ASAP1: variants seen among roughly 807,000 people sequenced by gnomAD.
The protein encoded by ASAP1 is ArfGAP with SH3 domain, ankyrin repeat and PH domain 1.
A neutral mutation model predicts 145.2 loss-of-function variants in ASAP1; 43 were observed. The observed-to-expected ratio is 0.30, with a 90% CI of 0.23 to 0.38. The LOEUF (loss-of-function observed/expected upper bound fraction) is 0.38, where lower values mean the gene tolerates loss of function less well. Ranked by LOEUF, ASAP1 falls within the 10% of genes least tolerant of loss-of-function variation. The pLI is 1.00. For missense variants in ASAP1, 1,018 were observed against 1,355.3 expected (o/e 0.75, Z 3.91); for synonymous variants, 546 against 515.5 (o/e 1.06, Z -0.80).
chr8:130,428,566 A>G (rs2138760502), intron 1 of ASAP1, among the ~76,000 whole-genome samples: 1 of 144,192 alleles, frequency 6.9e-6, no homozygotes, highest in African/African-American at 2.6e-5. Context: ...CACCATCATC[A>G]CCACCATCAT....
intron 27 of ASAP1, among the ~76,000 whole-genome samples, chr8:130,062,614 G>A (rs931142910): frequency 6.6e-6 from 1 of 152,150 alleles, no homozygotes; most frequent in Non-Finnish European, 1.5e-5. Context: ...ACACTGATGG[G>A]GCAAGAGAAA....
intron 3 of ASAP1, among the ~76,000 whole-genome samples, chr8:130,257,632 G>A (rs1340051301): frequency 6.6e-6 from 1 of 152,082 alleles, no homozygotes; most frequent in Admixed American, 6.5e-5. Flanking sequence ...GCGAAAAAAA[G>A]GGATCTACAG....
At chr8:130,097,107 C>T (rs2097519590) in intron 24 of ASAP1, among the ~76,000 whole-genome samples, 1 of 113,568 alleles carries the variant, frequency 8.8e-6, no homozygotes, top group Non-Finnish European at 1.6e-5. Flanking sequence ...GCCTAGGAGA[C>T]AGAGTGACAG....
rs371227571 is a variant in ASAP1 at position 130,064,018 on chromosome 8, C to T, written c.2702-2949G>A. Among the ~76,000 whole-genome samples, 58 of 152,198 alleles carry T rather than the reference C, an allele frequency of 3.8e-4. 1 individual carries two copies. The highest frequency in any genetic ancestry group is 1.3e-3 in the African/African-American group (56 of 41,530). On this transcript the variant is annotated intron_variant, in intron 27 of 29. Coordinates refer to ENST00000518721, the MANE Select transcript of ASAP1 (RefSeq NM_018482.4). ...AGGAGGGTGTGGTCAGGGAAGGCCACTCTGATATGGCAAGAGTGCGTCAAA... is the reference window on the plus strand; with the variant it reads ...AGGAGGGTGTGGTCAGGGAAGGCCATTCTGATATGGCAAGAGTGCGTCAAA...
At chr8:130,193,228 G>C (rs975583479) in intron 5 of ASAP1, among the ~76,000 whole-genome samples, 6 of 152,160 alleles carry the variant, frequency 3.9e-5, no homozygotes, top group Admixed American at 1.3e-4. Context: ...AATTAGCCAG[G>C]CATGGTGGCA....
chr8:130,384,823 T>C (rs1827938053), intron 2 of ASAP1, among the ~76,000 whole-genome samples: 1 of 152,188 alleles, frequency 6.6e-6, no homozygotes, highest in South Asian at 2.1e-4. Flanking sequence ...ATTTGTTCTT[T>C]CAACAAACAT....
At chr8:130,115,424 C>T (rs2097553714) in intron 23 of ASAP1, among the ~76,000 whole-genome samples, 1 of 152,214 alleles carries the variant, frequency 6.6e-6, no homozygotes, top group Non-Finnish European at 1.5e-5. Flanking sequence ...CTGTCTCTCT[C>T]CCTATCCTGT....
At chr8:130,427,119 C>G (rs1480463941) in intron 1 of ASAP1, among the ~76,000 whole-genome samples, 1 of 152,044 alleles carries the variant, frequency 6.6e-6, no homozygotes, top group African/African-American at 2.4e-5. Context: ...ACTTCAGGTG[C>G]CAGGTCATGG....
intron 27 of ASAP1, among the ~76,000 whole-genome samples, chr8:130,075,996 G>A (rs538795822): frequency 1.3e-5 from 2 of 152,240 alleles, no homozygotes; most frequent in South Asian, 2.1e-4. Flanking sequence ...AAGCTACTAC[G>A]TCACCTGCCC....
At chr8:130,160,435 T>TA (rs2097666745) in intron 11 of ASAP1, among the ~76,000 whole-genome samples, 1 of 152,220 alleles carries the variant, frequency 6.6e-6, no homozygotes, top group Non-Finnish European at 1.5e-5. Flanking sequence ...GGGAACCTTC[T>TA]AAGCAAGGTT....
chr8:130,213,374 G>T (rs1458641967), intron 5 of ASAP1, among the ~76,000 whole-genome samples: 1 of 152,200 alleles, frequency 6.6e-6, no homozygotes, highest in African/African-American at 2.4e-5. Flanking sequence ...CAGAGAAAAA[G>T]AATATTGTAA....
intron 24 of ASAP1, among the ~76,000 whole-genome samples, chr8:130,108,901 G>A (rs1265858462): frequency 2.0e-5 from 3 of 149,800 alleles, no homozygotes; most frequent in South Asian, 2.1e-4. Flanking sequence ...TCAGCCTCCC[G>A]AGTAGCTGGG....
chr8:130,323,332 G>T (rs1824129326), intron 3 of ASAP1, among the ~76,000 whole-genome samples: 1 of 152,204 alleles, frequency 6.6e-6, no homozygotes, highest in African/African-American at 2.4e-5. Context: ...AAACACTAGT[G>T]TAAAGAAACA....
At chr8:130,191,053 T>G (rs866769922) in intron 5 of ASAP1, among the ~76,000 whole-genome samples, 152 of 152,072 alleles carry the variant, frequency 1.0e-3, no homozygotes, top group African/African-American at 3.5e-3. Context: ...GAAATAGTTT[T>G]TTTTTTTTTT....
At chr8:130,077,820 G>T (rs1210945902) in intron 26 of ASAP1, among the ~76,000 whole-genome samples, 2 of 152,018 alleles carry the variant, frequency 1.3e-5, no homozygotes, top group Non-Finnish European at 2.9e-5. Context: ...AAATCCTCCT[G>T]TCTCTGGGCA....
chr8:130,120,538 G>T (rs563285567), intron 18 of ASAP1, among the ~76,000 whole-genome samples: 4 of 152,184 alleles, frequency 2.6e-5, no homozygotes, highest in Admixed American at 2.6e-4. Context: ...ATTATTATCC[G>T]GGAGGCCAGA....
chr8:130,302,996 G>T (rs1411461728), intron 3 of ASAP1, among the ~76,000 whole-genome samples: 1 of 151,538 alleles, frequency 6.6e-6, no homozygotes, highest in Non-Finnish European at 1.5e-5. Context: ...GTCACCACGG[G>T]AAAAAAAAGA....
At chr8:130,270,343 G>A (rs1820513871) in intron 3 of ASAP1, among the ~76,000 whole-genome samples, 1 of 152,172 alleles carries the variant, frequency 6.6e-6, no homozygotes, top group Admixed American at 6.5e-5. Flanking sequence ...ATTGTGACCT[G>A]CAGTTTGAAT....
intron 2 of ASAP1, among the ~76,000 whole-genome samples, chr8:130,366,886 CTTTTTTTTTTTT>C (rs905755447): frequency 4.0e-5 from 4 of 99,206 alleles, no homozygotes; most frequent in South Asian, 4.4e-4. Context: ...TGCTAGATTC[CTTTTTTTTTTTT>C]TTTTTTTTTT....
Sources: allele counts gnomAD v4.1 joint callset (sites outside exome capture counted in the v4.1 genomes callset), GRCh38; gene constraint gnomAD v4.1.1; transcripts MANE v1.5; gene names NCBI Gene and HGNC (gene_info 2026-07-23, HGNC 2026-07-21).